Variants in NCKAP5 observed in about 807,000 individuals in gnomAD.
The protein encoded by NCKAP5 is nck-associated protein 5.
NCKAP5 carries 92 observed loss-of-function variants against 167.0 expected under a neutral mutation model. That is an observed-to-expected ratio of 0.55 (90% CI 0.47 to 0.66). The LOEUF is 0.66. Ranked by LOEUF, NCKAP5 falls within the 30% of genes least tolerant of loss-of-function variation. NCKAP5 has a pLI of 0.00. For synonymous variants in NCKAP5, 891 were observed against 877.4 expected, an observed-to-expected ratio of 1.02 and a Z score of -0.27; for missense variants, 2,378 against 2,315.0, an observed-to-expected ratio of 1.03 and a Z score of -0.56.
chr2:133,116,185 C>T (rs1052875831), intron 6 of NCKAP5, among the ~76,000 whole-genome samples: 3 of 149,784 alleles, frequency 2.0e-5, no homozygotes, highest in Non-Finnish European at 3.0e-5. Flanking sequence ...TTGTAACTTA[C>T]GCAAAATAAG....
At chr2:133,444,152 G>T (rs1691031183) in intron 3 of NCKAP5, among the ~76,000 whole-genome samples, 1 of 152,052 alleles carries the variant, frequency 6.6e-6, no homozygotes, top group Admixed American at 6.5e-5. Context: ...GGGCTCCAGT[G>T]GTATGTCCCA....
chr2:133,125,424 A>G (rs2082372581), intron 6 of NCKAP5, among the ~76,000 whole-genome samples: 1 of 152,166 alleles, frequency 6.6e-6, no homozygotes, highest in Non-Finnish European at 1.5e-5. Flanking sequence ...TCTCATCTAC[A>G]GCATTCACCT....
At chr2:133,391,705 G>A (rs1687422727) in intron 3 of NCKAP5, among the ~76,000 whole-genome samples, 1 of 152,100 alleles carries the variant, frequency 6.6e-6, no homozygotes, top group African/African-American at 2.4e-5. Flanking sequence ...CCATTTCTCT[G>A]TAAGGTGGCT....
intron 11 of NCKAP5, among the ~76,000 whole-genome samples, chr2:132,818,084 A>G (rs1162848039): frequency 6.6e-6 from 1 of 152,116 alleles, no homozygotes; most frequent in Non-Finnish European, 1.5e-5. Flanking sequence ...AGTAGTTGGG[A>G]CTACAGGCAC....
At chr2:133,124,670 T>C (rs912476616) in intron 6 of NCKAP5, among the ~76,000 whole-genome samples, 1 of 152,216 alleles carries the variant, frequency 6.6e-6, no homozygotes. Context: ...GACTTCTCTA[T>C]CTAAATTCTA....
chr2:133,036,555 G>A (rs1156293710), intron 6 of NCKAP5, among the ~76,000 whole-genome samples: 3 of 151,876 alleles, frequency 2.0e-5, no homozygotes, highest in Non-Finnish European at 4.4e-5. Flanking sequence ...TCAACAGAAC[G>A]AAGGATAAAA....
chr2:132,725,159 G>A (rs1363421186), intron 19 of NCKAP5, among the ~76,000 whole-genome samples: 1 of 152,116 alleles, frequency 6.6e-6, no homozygotes, highest in Non-Finnish European at 1.5e-5. Context: ...TGCCAATTCT[G>A]GCTCAAAGAC....
chr2:133,215,064 A>G (rs1341219500), intron 4 of NCKAP5, among the ~76,000 whole-genome samples: 2 of 152,194 alleles, frequency 1.3e-5, no homozygotes, highest in Admixed American at 6.5e-5. Context: ...GGGAGACTAG[A>G]CTAGGAGACA....
At chr2:133,247,087 T>G (rs1056705967) in intron 4 of NCKAP5, among the ~76,000 whole-genome samples, 2 of 152,234 alleles carry the variant, frequency 1.3e-5, no homozygotes, top group African/African-American at 4.8e-5. Flanking sequence ...ACATGCACTA[T>G]TTAAAGTAAT....
chr2:132,995,717 A>G (rs563279813), intron 6 of NCKAP5, among the ~76,000 whole-genome samples: 1 of 151,632 alleles, frequency 6.6e-6, no homozygotes, highest in South Asian at 2.1e-4. Context: ...GGTCACCCCT[A>G]TAATCCCAAC....
At chr2:133,112,986 C>T (rs910194950) in intron 6 of NCKAP5, among the ~76,000 whole-genome samples, 1 of 152,192 alleles carries the variant, frequency 6.6e-6, no homozygotes, top group Non-Finnish European at 1.5e-5. Context: ...GGCCATAGGG[C>T]AGCCAGGGCA....
At chr2:133,086,821 T>C (rs1026384581) in intron 6 of NCKAP5, among the ~76,000 whole-genome samples, 17 of 152,182 alleles carry the variant, frequency 1.1e-4, no homozygotes, top group African/African-American at 3.6e-4. Context: ...CCGGATTTGT[T>C]GAAAGTTTAG....
chr2:132,805,666 A>G (rs912165948), intron 11 of NCKAP5, among the ~76,000 whole-genome samples: 3 of 152,092 alleles, frequency 2.0e-5, no homozygotes, highest in Non-Finnish European at 4.4e-5. Flanking sequence ...TATGCAAAAA[A>G]AAAAAAATGA....
chr2:132,741,784 A>C (rs769924664), intron 16 of NCKAP5, among the ~76,000 whole-genome samples: 1 of 152,138 alleles, frequency 6.6e-6, no homozygotes, highest in Non-Finnish European at 1.5e-5. Context: ...ATGCCAACTT[A>C]TCTATCCACC....
chr2:132,795,820 G>GAAAAAAAAAAAAAA (rs55826486), intron 12 of NCKAP5, among the ~76,000 whole-genome samples: 25 of 84,964 alleles, frequency 2.9e-4, no homozygotes, highest in Non-Finnish European at 5.1e-4. Context: ...CCCCGTATCA[G>GAAAAAAAAAAAAAA]AAAAAAAAAA....
chr2:133,376,031 G>A (rs1686121909), intron 3 of NCKAP5, among the ~76,000 whole-genome samples: 1 of 152,150 alleles, frequency 6.6e-6, no homozygotes, highest in African/African-American at 2.4e-5. Flanking sequence ...CTGGCTAGGT[G>A]TACAGGAAAC....
chr2:133,647,749 G>GAAGA, the NCKAP5 span, among the ~76,000 whole-genome samples: 1 of 139,070 alleles, frequency 7.2e-6, no homozygotes, highest in African/African-American at 2.6e-5. Context: ...AGGAAGGAAG[G>GAAGA]AAAGAAAAGA....
At chr2:132,835,565 TTCCTTTACATCAGGC>T (rs903879003) in intron 11 of NCKAP5, among the ~76,000 whole-genome samples, 2 of 152,126 alleles carry the variant, frequency 1.3e-5, no homozygotes, top group African/African-American at 4.8e-5. Flanking sequence ...CTTTTTTTTT[TTCCTTTACATCAGGC>T]TTGTTCAATT....
intron 2 of NCKAP5, among the ~76,000 whole-genome samples, chr2:133,519,466 A>G (rs1299192026): frequency 1.3e-5 from 2 of 152,144 alleles, no homozygotes; most frequent in Non-Finnish European, 2.9e-5. Flanking sequence ...GTTCCTGCCT[A>G]CTTTGTAGCA....
Sources: allele counts gnomAD v4.1 joint callset (sites outside exome capture counted in the v4.1 genomes callset), GRCh38; gene constraint gnomAD v4.1.1; transcripts MANE v1.5; gene names NCBI Gene and HGNC (gene_info 2026-07-23, HGNC 2026-07-21).